Variants in DAPL1 observed in about 807,000 individuals in gnomAD.
The protein encoded by DAPL1 is death associated protein like 1.
Under a neutral mutation model 12.9 loss-of-function variants are expected in DAPL1, and 17 were observed. The ratio of observed to expected loss-of-function variants is 1.32; its 90% confidence interval spans 0.90 to 1.98. The LOEUF (loss-of-function observed/expected upper bound fraction) is 1.98, where lower values mean the gene tolerates loss of function less well. Ranked by LOEUF, DAPL1 falls within the 30% of genes most tolerant of loss-of-function variation. The pLI is 0.00. For synonymous variants in DAPL1, 51 were observed against 42.0 expected (o/e 1.21, Z -0.82); for missense variants, 157 against 125.7 (o/e 1.25, Z -1.19).
intron 2 of DAPL1, 50 bp downstream of exon 2, chr2:158,804,419 C>T (rs1404764984): frequency 7.4e-7 from 1 of 1,358,274 alleles, no homozygotes; most frequent in African/African-American, 1.5e-5. Flanking sequence ...TTGAGTGACT[C>T]TGCCTCCAGG....
intron 1 of DAPL1, among the ~76,000 whole-genome samples, chr2:158,796,799 C>T (rs984815210): frequency 2.0e-5 from 3 of 152,114 alleles, no homozygotes; most frequent in Admixed American, 1.3e-4. Flanking sequence ...CTAATGATTG[C>T]TAATTACTCT....
chr2:158,805,955 A>G lies in DAPL1; in HGVS notation c.147-1100A>G, dbSNP rs990613186. 3.4e-5 allele frequency among the ~76,000 whole-genome samples: 5 copies of G among 147,970 alleles called. 1 individual carries two copies. The Admixed American group carries it at 3.4e-4, about 10-fold the overall frequency. ...AAATAACCAAAAATGACCGATATGA[A>G]ATGGGTAGGGCCCCTCCCAGGGCCT... On this transcript the variant is annotated intron_variant, in intron 2 of 3. Coordinates refer to ENST00000309950, the MANE Select transcript of DAPL1 (RefSeq NM_001017920.3).
rs753376137 is a variant in DAPL1 at position 158,815,757 on chromosome 2, C to G, written c.260C>G (p.Pro87Arg). The stretch of plus-strand genomic sequence containing the variant: ...CACATGGCGCATCAAAAACCCACAC[C>G]TGCTCTGGAAAAGGTTGTTCCACTG... ...TVHMAHQKPT[P>R]ALEKVVPLKR... The change falls in exon 4 of 4, where the codon CCT (proline) becomes CGT (arginine). Residue 87 changes from proline to arginine, a missense_variant. Transcript: ENST00000309950. 6.2e-7 allele frequency: 1 copy of G among 1,614,096 alleles called. No individual in the cohort carries two copies. The highest frequency in any genetic ancestry group is 8.5e-7 in the Non-Finnish European group (1 of 1,179,974).
rs1244639249 is a variant in DAPL1, at chr2:158,795,331, G to A, written c.-42G>A. 1 of 1,551,232 alleles carries A rather than the reference G, an allele frequency of 6.4e-7. No homozygotes were observed. Among genetic ancestry groups the A allele is most frequent in the Non-Finnish European group, 8.7e-7 (1 of 1,146,568 alleles). On this transcript the variant is annotated 5_prime_UTR_variant, in exon 1 of 4. Transcript: ENST00000309950. ...GTGGGGCAGCCACAGCTGGCATTCA[G>A]CCTCCAGAGCACCAGCACTGGCACT...
chr2:158,797,241 A>G (rs892644013), intron 1 of DAPL1, among the ~76,000 whole-genome samples: 2 of 152,188 alleles, frequency 1.3e-5, no homozygotes, highest in Admixed American at 6.5e-5. Flanking sequence ...CATCTCTGAA[A>G]CAGGATGCAA....
rs374910452 is a variant in DAPL1 at position 158,815,803 on chromosome 2, G to A, written c.306G>A (p.Gln102=). The A allele has an allele frequency of 3.7e-6, 6 of 1,612,700 alleles. No homozygotes were observed. Among genetic ancestry groups the A allele is most frequent in the Non-Finnish European group, 5.1e-6 (6 of 1,178,810 alleles). Residue 102 remains glutamine, a synonymous_variant, in exon 4 of 4, where the codon CAG becomes CAA. Coordinates refer to ENST00000309950, the MANE Select transcript of DAPL1 (RefSeq NM_001017920.3). ...VVPLKRIYII[Q]QPRKC is the part of the protein sequence containing the mutation. ...CACTGAAAAGGATCTACATTATTCA[G>A]CAGCCTCGAAAATGTTAAGCCTGGA... is the stretch of plus-strand genomic sequence containing the variant.
At chr2:158,799,378 C>T (rs2059153152) in intron 1 of DAPL1, among the ~76,000 whole-genome samples, 1 of 151,974 alleles carries the variant, frequency 6.6e-6, no homozygotes, top group Admixed American at 6.6e-5. Flanking sequence ...TAAAGGATTA[C>T]AAACTTAAAT....
At chr2:158,799,659 C>T (rs1194382993) in intron 1 of DAPL1, among the ~76,000 whole-genome samples, 2 of 152,082 alleles carry the variant, frequency 1.3e-5, no homozygotes, top group Non-Finnish European at 2.9e-5. Context: ...TCTTCCGCTT[C>T]TTTCTACTGT....
chr2:158,811,255 A>T (rs2059228687), intron 3 of DAPL1, among the ~76,000 whole-genome samples: 1 of 152,236 alleles, frequency 6.6e-6, no homozygotes, highest in South Asian at 2.1e-4. Context: ...GCAAATTTTA[A>T]AAGGCTTCTC....
chr2:158,806,992 A>C, intron 2 of DAPL1, 63 bp from the exon 3 acceptor site: 1 of 1,204,950 alleles, frequency 8.3e-7, no homozygotes, highest in East Asian at 2.4e-5. Context: ...TCTATAAATC[A>C]TGTGGCCTTT....
intron 3 of DAPL1, among the ~76,000 whole-genome samples, chr2:158,814,105 G>A (rs1365798612): frequency 6.6e-6 from 1 of 152,154 alleles, no homozygotes; most frequent in East Asian, 1.9e-4. Flanking sequence ...AAGCTAACCT[G>A]AAATAATTCA....
intron 3 of DAPL1, among the ~76,000 whole-genome samples, chr2:158,810,386 C>T (rs555699955): frequency 2.0e-4 from 31 of 152,218 alleles, no homozygotes; most frequent in African/African-American, 7.5e-4. Flanking sequence ...CTCAGTTACA[C>T]TCATGTCTAG....
At chr2:158,798,789 C>G (rs2059149574) in intron 1 of DAPL1, among the ~76,000 whole-genome samples, 1 of 152,088 alleles carries the variant, frequency 6.6e-6, no homozygotes, top group Non-Finnish European at 1.5e-5. Context: ...GATAAATTAA[C>G]TGTGAATGCA....
intron 3 of DAPL1, among the ~76,000 whole-genome samples, chr2:158,808,683 C>T (rs1380963292): frequency 6.6e-6 from 1 of 152,164 alleles, no homozygotes; most frequent in African/African-American, 2.4e-5. Context: ...TGGTGCATGA[C>T]ACCCTGTAAC....
At chr2:158,800,657 G>T (rs536245369) in intron 1 of DAPL1, among the ~76,000 whole-genome samples, 1 of 152,218 alleles carries the variant, frequency 6.6e-6, no homozygotes, top group African/African-American at 2.4e-5. Context: ...CCTCATGACA[G>T]CCCTTCAGAT....
chr2:158,812,510 C>T (rs2059236126), intron 3 of DAPL1, among the ~76,000 whole-genome samples: 1 of 152,104 alleles, frequency 6.6e-6, no homozygotes. Context: ...ATTGCCATAT[C>T]AGGCTGGACG....
At chr2:158,797,770 A>G (rs942522275) in intron 1 of DAPL1, among the ~76,000 whole-genome samples, 29 of 151,620 alleles carry the variant, frequency 1.9e-4, no homozygotes, top group African/African-American at 7.0e-4. Flanking sequence ...CAGCCTGGGC[A>G]ACAAGAGTGA....
At chr2:158,810,100 G>GA (rs2059222621) in intron 3 of DAPL1, among the ~76,000 whole-genome samples, 1 of 152,152 alleles carries the variant, frequency 6.6e-6, no homozygotes. Context: ...AGCAGCACAT[G>GA]AAAAAGCGTA....
intron 1 of DAPL1, among the ~76,000 whole-genome samples, chr2:158,795,831 G>C (rs2059131564): frequency 1.3e-5 from 2 of 152,190 alleles, no homozygotes; most frequent in African/African-American, 4.8e-5. Flanking sequence ...CCAGCTGTAA[G>C]ACTCAGTCTC....
Sources: gnomAD v4.1 joint callset for allele counts (sites outside exome capture counted in the v4.1 genomes callset) on GRCh38, gnomAD v4.1.1 for gene constraint, MANE v1.5 for transcripts, NCBI Gene and HGNC (gene_info 2026-07-23, HGNC 2026-07-21) for gene names.